The following DLGAP5 variants were observed in gnomAD, a reference collection of about 807,000 sequenced individuals.
DLGAP5 encodes disks large-associated protein 5.
Under a neutral mutation model 99.6 loss-of-function variants are expected in DLGAP5, and 90 were observed. The ratio of observed to expected loss-of-function variants is 0.90; its 90% CI spans 0.76 to 1.08. The LOEUF (loss-of-function observed/expected upper bound fraction) is 1.08, where lower values mean the gene tolerates loss of function less well. Ranked by LOEUF, DLGAP5 falls within the 50% of genes least tolerant of loss-of-function variation. DLGAP5 has a pLI of 0.00. For synonymous variants in DLGAP5, 311 were observed against 321.3 expected, an observed-to-expected ratio of 0.97 and a Z score of 0.34; for missense variants, 1,036 against 983.5, an observed-to-expected ratio of 1.05 and a Z score of -0.71.
At chr14:55,162,618 C>CAA (rs368322756) in intron 13 of DLGAP5, among the ~76,000 whole-genome samples, 73,325 of 138,570 alleles carry the variant, frequency 0.53, 21,008 homozygotes, top group African/African-American at 0.8. Flanking sequence ...GATTCCATCT[C>CAA]AAAAAAAAAA....
Position 55,151,695 on chromosome 14 carries a change from C to T in DLGAP5, c.2368G>A (p.Glu790Lys). 1 of 1,611,920 alleles carries T rather than the reference C, an allele frequency of 6.2e-7. No homozygotes were observed. The highest frequency in any genetic ancestry group is 8.5e-7 in the Non-Finnish European group (1 of 1,179,258). ...TTTAAATATATTTTAAATATCTCAC[C>T]TGACTGAGAAATTTTAGTTTCCCCT... ...EEGETKISQS[E>K]LFDNKSLTTE... The change falls in exon 17 of 19, where the codon GAA becomes AAA. Residue 790 changes from glutamate (E) to lysine (K), a missense_variant and splice_region_variant. Physicochemically the swap from Glu to Lys is moderately conservative, Grantham distance 56 (BLOSUM62 1). Coordinates refer to ENST00000247191, the MANE Select transcript of DLGAP5 (RefSeq NM_014750.5).
intron 15 of DLGAP5, among the ~76,000 whole-genome samples, chr14:55,153,447 A>T (rs1882087552): frequency 6.6e-6 from 1 of 151,696 alleles, no homozygotes; most frequent in Non-Finnish European, 1.5e-5. Context: ...AGGCTGAGGC[A>T]GGAGAATCAC....
At chr14:55,188,779 T>TAAAAAAAAAAA (rs397852487) in intron 2 of DLGAP5, among the ~76,000 whole-genome samples, 163 bp downstream of exon 2, 1 of 116,246 alleles carries the variant, frequency 8.6e-6, no homozygotes, top group Non-Finnish European at 1.8e-5. Flanking sequence ...TCTTGTAATT[T>TAAAAAAAAAAA]AAAAAAAAAA....
chr14:55,181,114 C>T, intron 5 of DLGAP5, 99 bp downstream of exon 5: 1 of 1,188,632 alleles, frequency 8.4e-7, no homozygotes. Flanking sequence ...GACTCTGTCA[C>T]AAACAAACGA....
chr14:55,154,554 C>T lies in DLGAP5; in HGVS notation c.2063+63G>A, dbSNP rs1283290511. On this transcript the variant is annotated intron_variant, in intron 15 of 18. Transcript: ENST00000247191. ...TGTCTGGCACCTTTTACCATCTTAACAATCTGAAATGGTATTTAGTATCAG... is the reference window on the plus strand; with the variant it reads ...TGTCTGGCACCTTTTACCATCTTAATAATCTGAAATGGTATTTAGTATCAG... 2.2e-6 allele frequency: 3 copies of T among 1,366,164 alleles called. No individual in the cohort carries two copies. In the African/African-American group the frequency reaches 4.3e-5, roughly 20 times the overall value. The allele number at this position is 1,366,164 out of a possible 1,614,324, so 84.6% of individuals were successfully genotyped here. A position where few individuals can be genotyped will look rare whatever the true frequency, so the allele number is the denominator to read the frequency against.
intron 4 of DLGAP5, among the ~76,000 whole-genome samples, chr14:55,181,953 C>A: frequency 6.6e-6 from 1 of 152,204 alleles, no homozygotes; most frequent in Non-Finnish European, 1.5e-5. Context: ...TTAGCTTCCT[C>A]ACCTGATAAA....
intron 15 of DLGAP5, among the ~76,000 whole-genome samples, chr14:55,154,401 C>A (rs182764922): frequency 6.6e-6 from 1 of 152,160 alleles, no homozygotes; most frequent in Non-Finnish European, 1.5e-5. Flanking sequence ...CTTCTTACTG[C>A]TGCAGAATTT....
intron 2 of DLGAP5, among the ~76,000 whole-genome samples, chr14:55,184,624 GCT>G (rs1883374194): frequency 1.3e-5 from 2 of 152,230 alleles, no homozygotes; most frequent in South Asian, 2.1e-4. Context: ...TGTTTGCCTT[GCT>G]CTCTCTTGAA....
chr14:55,185,869 C>G (rs1883419070), intron 2 of DLGAP5, among the ~76,000 whole-genome samples: 1 of 152,182 alleles, frequency 6.6e-6, no homozygotes. Context: ...ACCCCATATA[C>G]CTATTACCAA....
At chr14:55,190,289 TACACACAC>T (rs142940996) in intron 1 of DLGAP5, among the ~76,000 whole-genome samples, 9 of 147,416 alleles carry the variant, frequency 6.1e-5, no homozygotes, top group Non-Finnish European at 9.0e-5. Flanking sequence ...AGAAAAGCCA[TACACACAC>T]ACACACACAC....
rs144518684 is a variant in DLGAP5, at chr14:55,169,514, A to T, written c.1433T>A (p.Met478Lys). ...TTCAAACTGTTTAAACCTTTCCTTC[A>T]TAAGGAGTCTTGTTTGACCAACTGC... ...RTAVGQTRLL[M>K]KERFKQFEGL... Residue 478 changes from methionine (M) to lysine (K), a missense_variant, in exon 12 of 19, where the codon ATG becomes AAG. Met to Lys is a moderately conservative substitution (Grantham distance 95). Transcript: ENST00000247191. 3.7e-6 allele frequency: 6 copies of T among 1,609,572 alleles called. No individual in the cohort carries two copies. The highest frequency in any genetic ancestry group is 4.2e-6 in the Non-Finnish European group (5 of 1,178,950).
intron 14 of DLGAP5, among the ~76,000 whole-genome samples, chr14:55,157,034 CAAAACTCCAGT>C (rs1882236546): frequency 1.3e-5 from 2 of 152,132 alleles, no homozygotes; most frequent in Admixed American, 6.6e-5. Context: ...TGGTAAACAA[CAAAACTCCAGT>C]AAGACTCCAG....
At chr14:55,151,125 C>T (rs1004045965) in intron 17 of DLGAP5, among the ~76,000 whole-genome samples, 6 of 152,104 alleles carry the variant, frequency 3.9e-5, no homozygotes, top group South Asian at 2.1e-4. Context: ...AATGTCTGGC[C>T]GAGGTTAAAA....
intron 4 of DLGAP5, 109 bp from the exon 5 acceptor site, chr14:55,181,406 C>G (rs1883270834): frequency 2.6e-6 from 2 of 779,974 alleles, no homozygotes; most frequent in East Asian, 6.2e-5. Context: ...TCGTAAATGA[C>G]CCAACAACAA....
At chr14:55,168,099 G>C (rs1381498061) in intron 12 of DLGAP5, among the ~76,000 whole-genome samples, 2 of 151,974 alleles carry the variant, frequency 1.3e-5, no homozygotes, top group Admixed American at 6.6e-5. Context: ...TGTACTACAG[G>C]CATGTGCAAC....
intron 11 of DLGAP5, among the ~76,000 whole-genome samples, 183 bp from the exon 12 acceptor site, chr14:55,169,742 C>T (rs142348654): frequency 5.2e-4 from 79 of 152,310 alleles, no homozygotes; most frequent in Non-Finnish European, 9.4e-4. Context: ...GCTTCAATTC[C>T]TGCTCAAAAT....
At chr14:55,162,182 G>T (rs55772085) in intron 13 of DLGAP5, among the ~76,000 whole-genome samples, 14,198 of 151,968 alleles carry the variant, frequency 0.093, 1,798 homozygotes, top group African/African-American at 0.29. Context: ...CAAAGCACAA[G>T]AATAACAGCA....
At chr14:55,177,675 C>A (rs1008094633) in intron 7 of DLGAP5, among the ~76,000 whole-genome samples, 2 of 151,660 alleles carry the variant, frequency 1.3e-5, no homozygotes, top group African/African-American at 4.8e-5. Context: ...GTAGCTGGGA[C>A]TACAGACGCC....
intron 2 of DLGAP5, among the ~76,000 whole-genome samples, chr14:55,186,892 C>G (rs1267036502): frequency 6.6e-6 from 1 of 152,144 alleles, no homozygotes; most frequent in South Asian, 2.1e-4. Flanking sequence ...TTGCATTGTT[C>G]CTTGGTTCTT....
Sources: gnomAD v4.1 joint callset for allele counts (sites outside exome capture counted in the v4.1 genomes callset) on GRCh38, gnomAD v4.1.1 for gene constraint, MANE v1.5 for transcripts, NCBI Gene and HGNC (gene_info 2026-07-23, HGNC 2026-07-21) for gene names.